Variants in NLRP2 observed in about 807,000 individuals in gnomAD.
The protein encoded by NLRP2 is NLR family pyrin domain containing 2, also known as NACHT, LRR and PYD domains-containing protein 2.
A neutral mutation model predicts 97.2 loss-of-function variants in NLRP2; 107 were observed. That is an observed-to-expected ratio of 1.10 (90% CI 0.94 to 1.29). The LOEUF (loss-of-function observed/expected upper bound fraction) is 1.29, where lower values mean the gene tolerates loss of function less well. Among genes scored for constraint, NLRP2 ranks in the 50% most tolerant of loss-of-function variants. The probability of loss-of-function intolerance (pLI) is 0.00; values close to 1 mark genes in which losing one functional copy is unlikely to be tolerated. For missense variants in NLRP2, 1,495 were observed against 1,330.3 expected, an observed-to-expected ratio of 1.12 and a Z score of -1.93; for synonymous variants, 663 against 551.5, an observed-to-expected ratio of 1.20 and a Z score of -2.83.
intron 1 of NLRP2, among the ~76,000 whole-genome samples, chr19:54,968,944 G>A (rs1040018249): frequency 1.3e-5 from 2 of 151,104 alleles, no homozygotes; most frequent in Admixed American, 6.6e-5. Flanking sequence ...CTCACGATCC[G>A]CCCGCCTCGG....
At chr19:54,985,663 G>T (rs1225338572) in intron 7 of NLRP2, among the ~76,000 whole-genome samples, 5 of 139,908 alleles carry the variant, frequency 3.6e-5, no homozygotes, top group African/African-American at 1.4e-4. Flanking sequence ...GAGTGACAGA[G>T]CGAGACTGCG....
chr19:54,973,312 A>G (rs1445220041), intron 2 of NLRP2, among the ~76,000 whole-genome samples: 1 of 148,092 alleles, frequency 6.8e-6, no homozygotes, highest in Non-Finnish European at 1.5e-5. Flanking sequence ...ACTTTTTAGC[A>G]TAATGTTTCC....
rs1459369354 is a variant in NLRP2 at position 54,975,452 on chromosome 19, ATTAT to A, written c.325+911_325+914del. ...AGCTACTTATATCCTGAAGATTATT[ATTAT>A]TTTTTTTTTTTTTGAGATAGAGTCT... On this transcript the variant is annotated intron_variant, in intron 3 of 12. Transcript: ENST00000448584. Among the ~76,000 whole-genome samples the A allele has an allele frequency of 5.3e-4, 47 of 89,194 alleles. 5 individuals carry two copies. The highest frequency in any genetic ancestry group is 2.0e-3 in the African/African-American group (45 of 21,994). The allele number at this position is 89,194 out of a possible 152,430, so 58.5% of individuals were successfully genotyped here. A position where few individuals can be genotyped will look rare whatever the true frequency, so the allele number is the denominator to read the frequency against.
At chr19:54,988,023 A>C (rs1022342654) in intron 8 of NLRP2, among the ~76,000 whole-genome samples, 1 of 152,156 alleles carries the variant, frequency 6.6e-6, no homozygotes, top group Non-Finnish European at 1.5e-5. Flanking sequence ...CAGCCTGGGC[A>C]ACAGAGCAAA....
chr19:54,997,941 G>A (rs2072929028), intron 12 of NLRP2, among the ~76,000 whole-genome samples: 2 of 151,466 alleles, frequency 1.3e-5, no homozygotes, highest in Admixed American at 6.6e-5. Flanking sequence ...CCGTCTACCT[G>A]CTCATGATAG....
chr19:54,994,140 C>T (rs1187285200), intron 10 of NLRP2, 129 bp from the exon 11 acceptor site: 2 of 1,000,458 alleles, frequency 2.0e-6, no homozygotes, highest in Non-Finnish European at 3.1e-6. Flanking sequence ...CCACACCACC[C>T]CATGATTCCA....
Position 54,983,163 on chromosome 19 carries a change from C to T in NLRP2, c.1465C>T (p.Leu489Phe). 1.9e-6 allele frequency: 3 copies of T among 1,613,966 alleles called. No individual in the cohort carries two copies. Among genetic ancestry groups the T allele is most frequent in the Non-Finnish European group, 2.5e-6 (3 of 1,180,004 alleles). Residue 489 changes from leucine to phenylalanine, a missense_variant, in exon 6 of 13, where the codon CTC becomes TTC. Physicochemically the swap from Leu to Phe is conservative, Grantham distance 22. Coordinates refer to ENST00000448584, the MANE Select transcript of NLRP2 (RefSeq NM_017852.5). ...CCGTCTGTTCCTGGACGGAGACATC[C>T]TCCGCCAGGACAGAGTCTCCAAAGG... is the stretch of plus-strand genomic sequence containing the variant. ...DLRLFLDGDI[L>F]RQDRVSKGCY...
At chr19:54,983,853 T>C (rs915272982) in intron 6 of NLRP2, 125 bp downstream of exon 6, 19 of 1,319,492 alleles carry the variant, frequency 1.4e-5, no homozygotes, top group African/African-American at 8.8e-5. Flanking sequence ...TTGGACTCTT[T>C]GTTTGTTTTT....
rs745976248 is a variant in NLRP2, at chr19:54,985,026, CCTTT to C, written c.2031-17_2031-14del. The stretch of plus-strand genomic sequence containing the variant: ...GTGATGGACACACATTTGGTGTAAC[CCTTT>C]CTTCTCTTCCCTATAGATCCCAGGA... On this transcript the variant is annotated splice_polypyrimidine_tract_variant and intron_variant, in intron 6 of 12. Coordinates refer to ENST00000448584, the MANE Select transcript of NLRP2 (RefSeq NM_017852.5). 49 of 1,613,098 alleles carry C rather than the reference CCTTT, an allele frequency of 3.0e-5. No homozygotes were observed. Among genetic ancestry groups the C allele is most frequent in the African/African-American group, 4.0e-5 (3 of 74,866 alleles).
intron 1 of NLRP2, among the ~76,000 whole-genome samples, chr19:54,966,850 TTCTTC>T (rs2070466820): frequency 1.7e-5 from 2 of 117,506 alleles, no homozygotes; most frequent in African/African-American, 6.3e-5. Context: ...TTTTTTTTTT[TTCTTC>T]TCTTTTTTGA....
intron 10 of NLRP2, chr19:54,993,077 AGGCGTGGTGTCGGAGCCT>A (rs1296414610): frequency 6.6e-6 from 1 of 151,694 alleles, no homozygotes; most frequent in Non-Finnish European, 1.5e-5. Context: ...AAAATTAGCC[AGGCGTGGTGTCGGAGCCT>A]GTAATCCCAG....
chr19:54,970,540 A>C (rs2070778149), intron 2 of NLRP2, among the ~76,000 whole-genome samples: 1 of 151,962 alleles, frequency 6.6e-6, no homozygotes, highest in Admixed American at 6.6e-5. Context: ...CTGTAATCCC[A>C]GCTACTCCGG....
intron 2 of NLRP2, 52 bp downstream of exon 2, chr19:54,970,347 C>T: frequency 6.2e-7 from 1 of 1,603,924 alleles, no homozygotes; most frequent in African/African-American, 1.3e-5. Context: ...GGCGTCCTCT[C>T]CAGGACTTTA....
intron 3 of NLRP2, 55 bp from the exon 4 acceptor site, chr19:54,977,697 T>C (rs2071330100): frequency 1.3e-6 from 2 of 1,569,248 alleles, no homozygotes; most frequent in East Asian, 4.5e-5. Context: ...TGAGCCATCT[T>C]GGAGTCCCAC....
At chr19:54,996,050 A>C (rs1446367507) in intron 11 of NLRP2, among the ~76,000 whole-genome samples, 5 of 147,080 alleles carry the variant, frequency 3.4e-5, no homozygotes, top group African/African-American at 1.3e-4. Context: ...AAAAAAAAAA[A>C]AAACAAAAAA....
chr19:54,999,391 C>T (rs1474370219), intron 12 of NLRP2, among the ~76,000 whole-genome samples: 1 of 152,194 alleles, frequency 6.6e-6, no homozygotes, highest in Non-Finnish European at 1.5e-5. Flanking sequence ...AGGTGACCCG[C>T]CTGCCTCAGC....
chr19:54,967,237 C>T (rs1385769118), intron 1 of NLRP2, among the ~76,000 whole-genome samples: 2 of 152,066 alleles, frequency 1.3e-5, no homozygotes, highest in East Asian at 1.9e-4. Flanking sequence ...AATCGCAGCG[C>T]TTTGGGAGGC....
intron 4 of NLRP2, 109 bp from the exon 5 acceptor site, chr19:54,981,508 T>TTCCCCCCCCC: frequency 9.1e-6 from 4 of 438,150 alleles, no homozygotes; most frequent in Non-Finnish European, 1.4e-5. Flanking sequence ...TCTGATCCCG[T>TTCCCCCCCCC]GCCCCCCCTC....
chr19:54,983,263 A>G lies in NLRP2; in HGVS notation c.1565A>G (p.Glu522Gly), dbSNP rs61735083. The change falls in exon 6 of 13, where the codon GAA (glutamate) becomes GGA (glycine). Residue 522 changes from glutamate to glycine, a missense_variant. Physicochemically the swap from Glu to Gly is moderately conservative, Grantham distance 98. Transcript: ENST00000448584. Reference protein sequence around the residue: ...ALFYTLEKEEEEDRDGHTWDI... With the variant: ...ALFYTLEKEEGEDRDGHTWDI... The stretch of plus-strand genomic sequence containing the variant: ...TTCTACACCCTGGAGAAGGAGGAGG[A>G]AGAGGATAGGGACGGCCACACCTGG... 9.0e-3 allele frequency: 14,190 copies of G among 1,573,762 alleles called. 207 individuals carry two copies. The highest frequency in any genetic ancestry group is 0.016 in the African/African-American group (1,205 of 73,568).
Sources: allele counts gnomAD v4.1 joint callset (sites outside exome capture counted in the v4.1 genomes callset), GRCh38; gene constraint gnomAD v4.1.1; transcripts MANE v1.5; gene names NCBI Gene and HGNC (gene_info 2026-07-23, HGNC 2026-07-21).